The following ABLIM2 variants were observed in gnomAD, a reference collection of about 807,000 sequenced individuals.
ABLIM2 encodes the protein actin-binding LIM protein 2.
ABLIM2 carries 53 observed loss-of-function variants against 97.7 expected under a neutral mutation model. That is an observed-to-expected ratio of 0.54 (90% CI 0.44 to 0.68). The LOEUF is 0.68. ABLIM2 is among the 30% of genes least tolerant of loss of function. The pLI is 0.00. For missense variants in ABLIM2, 835 were observed against 867.2 expected, an observed-to-expected ratio of 0.96 and a Z score of 0.47; for synonymous variants, 361 against 345.8, an observed-to-expected ratio of 1.04 and a Z score of -0.49.
chr4:8,106,915 C>T (rs144920475), intron 1 of ABLIM2, among the ~76,000 whole-genome samples: 9 of 152,338 alleles, frequency 5.9e-5, no homozygotes, highest in East Asian at 3.9e-4. Context: ...GGGAGGGGCC[C>T]GTGCTTCTCA....
chr4:8,009,094 G>T lies in ABLIM2; in HGVS notation c.1432C>A (p.Arg478=). The T allele has an allele frequency of 6.2e-7, 1 of 1,613,932 alleles. No homozygotes were observed. Among genetic ancestry groups the T allele is most frequent in the Non-Finnish European group, 8.5e-7 (1 of 1,179,872 alleles). Residue 478 remains arginine, a synonymous_variant, in exon 15 of 21, where the codon CGA becomes AGA. Coordinates refer to ENST00000447017, the MANE Select transcript of ABLIM2 (RefSeq NM_001130083.2). ...PPIYRQHAAR[R]SDGEDGSLDQ... ...AAGCTTCCATCCTCCCCATCCGATCGCCTGGCAGCTGGAAGGGAAAAATCC... is the reference window on the plus strand; with the variant it reads ...AAGCTTCCATCCTCCCCATCCGATCTCCTGGCAGCTGGAAGGGAAAAATCC...
intron 16 of ABLIM2, among the ~76,000 whole-genome samples, chr4:7,997,464 G>A (rs1221905392): frequency 1.3e-5 from 2 of 152,140 alleles, no homozygotes; most frequent in Non-Finnish European, 2.9e-5. Context: ...AGGTCCCTGA[G>A]GCTCTGTTAA....
intron 1 of ABLIM2, 54 bp downstream of exon 1, chr4:8,158,626 C>A (rs184439790): frequency 4.0e-6 from 6 of 1,503,118 alleles, no homozygotes; most frequent in Admixed American, 2.1e-5. Flanking sequence ...CCAGCCCTTG[C>A]GGCGCCGCGA....
rs1441509841 is a variant in ABLIM2 at position 8,075,656 on chromosome 4, C to T, written c.675+1972G>A. Reference sequence around the variant, plus strand: ...GCAGTGAGCTGTGATGACACCACCGCACTCCAGCCTGGGCAACTGAGTGAG... The same window carrying T: ...GCAGTGAGCTGTGATGACACCACCGTACTCCAGCCTGGGCAACTGAGTGAG... On this transcript the variant is annotated intron_variant, in intron 6 of 20. Coordinates refer to ENST00000447017, the MANE Select transcript of ABLIM2 (RefSeq NM_001130083.2). The surrounding 1 kb of genome is among the most constrained non-coding windows in gnomAD (Gnocchi z 4.4). Among the ~76,000 whole-genome samples, 1 of 152,052 alleles carries T rather than the reference C, an allele frequency of 6.6e-6. No individual in the cohort carries two copies. Among genetic ancestry groups the T allele is most frequent in the African/African-American group, 2.4e-5 (1 of 41,378 alleles).
At chr4:8,133,705 C>A (rs902818187) in intron 1 of ABLIM2, among the ~76,000 whole-genome samples, 1 of 152,222 alleles carries the variant, frequency 6.6e-6, no homozygotes, top group Non-Finnish European at 1.5e-5. Flanking sequence ...GGGTCCATGC[C>A]CCGGCCCTCC....
chr4:8,158,746 C>A lies in ABLIM2; in HGVS notation c.-57G>T. The A allele has an allele frequency of 7.5e-7, 1 of 1,341,380 alleles. No homozygotes were observed. The highest frequency in any genetic ancestry group is 9.5e-7 in the Non-Finnish European group (1 of 1,048,888). 83.1% of individuals were successfully genotyped at this position (1,341,380 alleles called of 1,614,324 possible). A position where few individuals can be genotyped will look rare whatever the true frequency, so the allele number is the denominator to read the frequency against. On this transcript the variant is annotated 5_prime_UTR_variant, in exon 1 of 21. Transcript: ENST00000447017. The stretch of plus-strand genomic sequence containing the variant: ...GCGCTGCGACAGCCAGACCCTCGGG[C>A]CCGCAGGTGCCGCGCCCGCGCTATC...
intron 14 of ABLIM2, among the ~76,000 whole-genome samples, chr4:8,009,720 T>C (rs2150460702): frequency 6.6e-6 from 1 of 152,282 alleles, no homozygotes; most frequent in African/African-American, 2.4e-5. Flanking sequence ...AGAACAAGCA[T>C]TTTAAAAACC....
At chr4:8,081,951 G>C (rs539731532) in intron 4 of ABLIM2, among the ~76,000 whole-genome samples, 1 of 152,300 alleles carries the variant, frequency 6.6e-6, no homozygotes, top group South Asian at 2.1e-4. Flanking sequence ...TGGTGCGTGA[G>C]TGTGTCTACG....
intron 17 of ABLIM2, among the ~76,000 whole-genome samples, chr4:7,987,363 T>A (rs572000170): frequency 3.9e-4 from 60 of 152,054 alleles, no homozygotes; most frequent in African/African-American, 1.4e-3. Flanking sequence ...CTTCAAGCAA[T>A]CCTCTCACCT....
At chr4:8,143,850 G>C in intron 1 of ABLIM2, among the ~76,000 whole-genome samples, 1 of 152,322 alleles carries the variant, frequency 6.6e-6, no homozygotes, top group East Asian at 1.9e-4. Flanking sequence ...ACGGCTGCCT[G>C]TCAGCCCTGG....
In ABLIM2 at chr4:7,970,611, C is replaced by T. The variant is rs115796867; in HGVS notation, c.1825-3508G>A. Among the ~76,000 whole-genome samples the T allele has an allele frequency of 3.3e-5, 5 of 151,110 alleles. No homozygotes were observed. The highest frequency in any genetic ancestry group is 1.2e-4 in the African/African-American group (5 of 40,984). Reference sequence around the variant, plus strand: ...CGATTCGAGGAAGACTTGGAGCTGGCGGGCAAGCAGGAAGGCTGGCAGGGT... The same window carrying T: ...CGATTCGAGGAAGACTTGGAGCTGGTGGGCAAGCAGGAAGGCTGGCAGGGT... On this transcript the variant is annotated intron_variant, in intron 20 of 20. Coordinates refer to ENST00000447017, the MANE Select transcript of ABLIM2 (RefSeq NM_001130083.2). This position sits in a 1 kb window ranked among gnomAD's most constrained non-coding sequence, Gnocchi z 5.3.
Position 7,992,736 on chromosome 4 carries a change from G to A in ABLIM2, c.1680+130C>T. 2 of 976,734 alleles carry A rather than the reference G, an allele frequency of 2.0e-6. No homozygotes were observed. The highest frequency in any genetic ancestry group is 3.1e-6 in the Non-Finnish European group (2 of 636,068). 60.5% of individuals were successfully genotyped at this position (976,734 alleles called of 1,614,324 possible). On this transcript the variant is annotated intron_variant, in intron 17 of 20. Coordinates refer to ENST00000447017, the MANE Select transcript of ABLIM2 (RefSeq NM_001130083.2). This position sits in a 1 kb window ranked among gnomAD's most constrained non-coding sequence, Gnocchi z 5.7. ...GTGGCAGCCCCTGGGAAGGGCATCA[G>A]GCAGAGGCAGGTGGGCCGCGGGGTC...
chr4:8,006,124 C>A (rs978361091), intron 16 of ABLIM2, among the ~76,000 whole-genome samples: 2 of 152,234 alleles, frequency 1.3e-5, no homozygotes, highest in Admixed American at 6.5e-5. Flanking sequence ...CTCGTGTTCT[C>A]CTGGGGCAAC....
chr4:7,983,710 T>G (rs1418804263), intron 18 of ABLIM2, among the ~76,000 whole-genome samples, 156 bp from the exon 19 acceptor site: 1 of 152,188 alleles, frequency 6.6e-6, no homozygotes, highest in East Asian at 1.9e-4. Context: ...GAGGCCCTAA[T>G]CTCAGAGCTG....
chr4:8,084,924 C>T (rs753641192), intron 4 of ABLIM2, among the ~76,000 whole-genome samples: 3 of 152,198 alleles, frequency 2.0e-5, no homozygotes, highest in African/African-American at 4.8e-5. Context: ...CACTCTGCGA[C>T]GGCCGCCCTG....
In ABLIM2 at chr4:8,058,122, C is replaced by T. The variant is rs557269153; in HGVS notation, c.763+2845G>A. Among the ~76,000 whole-genome samples the T allele has an allele frequency of 3.9e-5, 6 of 152,330 alleles. No homozygotes were observed. In the South Asian group the frequency reaches 1.0e-3, roughly 26 times the overall value. On this transcript the variant is annotated intron_variant, in intron 7 of 20. Coordinates refer to ENST00000447017, the MANE Select transcript of ABLIM2 (RefSeq NM_001130083.2). This position sits in a 1 kb window ranked among gnomAD's most constrained non-coding sequence, Gnocchi z 4.2. ...GATGAGGTTACCCTTGATGTGAACT[C>T]GTGTCCCCGAGCTGCTGTCCCAAGG... is the stretch of plus-strand genomic sequence containing the variant.
chr4:8,083,921 T>C lies in ABLIM2; in HGVS notation c.455-3119A>G, dbSNP rs1173589348. Reference sequence around the variant, plus strand: ...GATGTGGTCATGGTGGGGGTGGTTGTTGGGGGGTGGCTAGGATGTGCCAGG... The same window carrying C: ...GATGTGGTCATGGTGGGGGTGGTTGCTGGGGGGTGGCTAGGATGTGCCAGG... On this transcript the variant is annotated intron_variant, in intron 4 of 20. Coordinates refer to ENST00000447017, the MANE Select transcript of ABLIM2 (RefSeq NM_001130083.2). The surrounding 1 kb of genome is among the most constrained non-coding windows in gnomAD (Gnocchi z 4.6). Among the ~76,000 whole-genome samples the C allele has an allele frequency of 3.3e-5, 5 of 152,008 alleles. No homozygotes were observed. The highest frequency in any genetic ancestry group is 4.8e-5 in the African/African-American group (2 of 41,396).
Position 8,071,488 on chromosome 4 carries a change from G to A in ABLIM2, c.675+6140C>T, listed in dbSNP as rs954833558. On this transcript the variant is annotated intron_variant, in intron 6 of 20. Coordinates refer to ENST00000447017, the MANE Select transcript of ABLIM2 (RefSeq NM_001130083.2). The surrounding 1 kb of genome is among the most constrained non-coding windows in gnomAD (Gnocchi z 6.2). ...TTTCGCGGGCAGGCGGGCACTGCGG[G>A]CGCCAGCACTTAGGATGGCACCATG... 1.6e-4 allele frequency among the ~76,000 whole-genome samples: 25 copies of A among 152,216 alleles called. No homozygotes were observed. Among genetic ancestry groups the A allele is most frequent in the Non-Finnish European group, 2.6e-4 (18 of 68,032 alleles).
At chr4:7,969,271 T>C (rs1725585336) in intron 20 of ABLIM2, among the ~76,000 whole-genome samples, 2 of 152,048 alleles carry the variant, frequency 1.3e-5, no homozygotes, top group Admixed American at 1.3e-4. Context: ...CTGGGCAACA[T>C]GGTGAGACTC....
Sources: allele counts gnomAD v4.1 joint callset (sites outside exome capture counted in the v4.1 genomes callset), GRCh38; gene constraint gnomAD v4.1.1; non-coding constraint Gnocchi (gnomAD v3.1); transcripts MANE v1.5; gene names NCBI Gene and HGNC (gene_info 2026-07-23, HGNC 2026-07-21).